Variants in COL18A1 observed in about 807,000 individuals in gnomAD.
The protein encoded by COL18A1 is collagen alpha-1(XVIII) chain.
In COL18A1, 133 loss-of-function variants were observed where a neutral mutation model predicts 168.0. The ratio of observed to expected loss-of-function variants is 0.79; its 90% CI spans 0.69 to 0.91. COL18A1 has a LOEUF of 0.91. Ranked by LOEUF, COL18A1 falls within the 40% of genes least tolerant of loss-of-function variation. The pLI is 0.00. For synonymous variants in COL18A1, 949 were observed against 809.0 expected (o/e 1.17, Z -2.94); for missense variants, 2,126 against 1,925.4 (o/e 1.10, Z -1.95).
intron 31 of COL18A1, 126 bp downstream of exon 31, chr21:45,497,218 G>A: frequency 9.5e-6 from 7 of 740,088 alleles, no homozygotes; most frequent in South Asian, 1.4e-5. Flanking sequence ...TACACGCCCA[G>A]CCCACGCCCC....
At chr21:45,493,635 C>A in intron 26 of COL18A1, 60 bp downstream of exon 26, 1 of 1,287,614 alleles carries the variant, frequency 7.8e-7, no homozygotes, top group Non-Finnish European at 1.1e-6. Flanking sequence ...GTGGAGACAG[C>A]CTGGGGAGGG....
intron 31 of COL18A1, 99 bp from the exon 32 acceptor site, chr21:45,497,500 C>A: frequency 6.8e-7 from 1 of 1,466,014 alleles, no homozygotes; most frequent in Non-Finnish European, 9.3e-7. Flanking sequence ...GCCCCCCCAT[C>A]CAGGCCCCCA....
At chr21:45,442,555 G>C (rs2034397126) in intron 2 of COL18A1, among the ~76,000 whole-genome samples, 1 of 152,288 alleles carries the variant, frequency 6.6e-6, no homozygotes, top group Non-Finnish European at 1.5e-5. Context: ...CTTCGGATGA[G>C]CACGCCCAGG....
At chr21:45,494,027 G>T (rs771234369) in intron 26 of COL18A1, 19 of 253,432 alleles carry the variant, frequency 7.5e-5, no homozygotes, top group Non-Finnish European at 1.2e-4. Flanking sequence ...GCAGGCAGCC[G>T]CCCAGAAAAG....
intron 14 of COL18A1, chr21:45,482,364 T>C (rs920931230): frequency 3.0e-6 from 2 of 661,516 alleles, no homozygotes; most frequent in Admixed American, 1.9e-5. Flanking sequence ...GCCCCAGGCG[T>C]TTGTGGGTGG....
intron 18 of COL18A1, 120 bp from the exon 19 acceptor site, chr21:45,489,365 GC>G: frequency 2.5e-6 from 2 of 798,232 alleles, no homozygotes; most frequent in African/African-American, 1.7e-5. Context: ...TCGGCTCTGG[GC>G]TGGGGGAGGG....
chr21:45,416,608 G>A (rs972031701), intron 2 of COL18A1, among the ~76,000 whole-genome samples: 3 of 151,948 alleles, frequency 2.0e-5, no homozygotes, highest in Admixed American at 6.6e-5. Flanking sequence ...CTCCTGGACC[G>A]CGGTCCGTCC....
At chr21:45,484,499 CAT>C (rs966099715) in intron 15 of COL18A1, among the ~76,000 whole-genome samples, 21 of 121,688 alleles carry the variant, frequency 1.7e-4, no homozygotes, top group African/African-American at 2.8e-4. Flanking sequence ...CACACACACA[CAT>C]GCACCTCTCC....
At chr21:45,461,700 CT>C (rs1423236310) in intron 2 of COL18A1, among the ~76,000 whole-genome samples, 1 of 152,184 alleles carries the variant, frequency 6.6e-6, no homozygotes, top group Non-Finnish European at 1.5e-5. Flanking sequence ...ATGAATGTGA[CT>C]TTTTTAGATC....
rs369702868 is a variant in COL18A1, at chr21:45,505,226, C to A, written c.2961C>A (p.Pro987=). 105 of 1,579,480 alleles carry A rather than the reference C, an allele frequency of 6.6e-5. No homozygotes were observed. The highest frequency in any genetic ancestry group is 6.2e-4 in the African/African-American group (43 of 69,306). The change falls in exon 35 of 42, where the codon CCC becomes CCA. Residue 987 remains proline, a synonymous_variant. Transcript: ENST00000651438. ...GIGYEGRQGP[P]GPPGPPGPPS... ...GCTACGAGGGGCGCCAGGGCCCTCCCGGCCCCCCAGGCCCCCCAGGGCCCC... is the reference window on the plus strand; with the variant it reads ...GCTACGAGGGGCGCCAGGGCCCTCCAGGCCCCCCAGGCCCCCCAGGGCCCC...
chr21:45,478,477 T>C, intron 9 of COL18A1, 124 bp downstream of exon 9: 1 of 1,287,398 alleles, frequency 7.8e-7, no homozygotes, highest in South Asian at 1.2e-5. Flanking sequence ...GCAAAACCAT[T>C]TTGAAAGTGG....
In COL18A1 at chr21:45,489,539, GT is replaced by G; in HGVS notation, c.1959+20del. 1 of 1,565,216 alleles carries G rather than the reference GT, an allele frequency of 6.4e-7. No homozygotes were observed. Among genetic ancestry groups the G allele is most frequent in the Non-Finnish European group, 8.7e-7 (1 of 1,148,860 alleles). ...GGGCGAAGGTAAGCGCTGTGCCCGG[GT>G]TCAGGGACGTGGCCAGGCAGAGGCA... On this transcript the variant is annotated intron_variant, in intron 19 of 41. Transcript: ENST00000651438.
chr21:45,483,963 GCACA>G (rs756438152), intron 15 of COL18A1, among the ~76,000 whole-genome samples: 16 of 85,024 alleles, frequency 1.9e-4, no homozygotes, highest in African/African-American at 7.6e-4. Flanking sequence ...ATGTACACAT[GCACA>G]CACACACCTC....
Position 45,456,165 on chromosome 21 carries a change from C to T in COL18A1, c.107-12077C>T, listed in dbSNP as rs758219432. ...CCACTCACGGGGCCCTCAGTGCCAC[C>T]ACCATCTTCAGGTAGAGCTTCTCTC... is the stretch of plus-strand genomic sequence containing the variant. On this transcript the variant is annotated intron_variant, in intron 2 of 41. Transcript: ENST00000651438. The T allele has an allele frequency of 2.1e-5, 33 of 1,589,636 alleles. No homozygotes were observed. The highest frequency in any genetic ancestry group is 2.3e-5 in the Non-Finnish European group (27 of 1,164,818).
chr21:45,442,724 C>T (rs1468917376), intron 2 of COL18A1, among the ~76,000 whole-genome samples: 1 of 86,532 alleles, frequency 1.2e-5, no homozygotes. Flanking sequence ...GTGTGGGCGG[C>T]GGTCCTGGTG....
intron 2 of COL18A1, among the ~76,000 whole-genome samples, chr21:45,437,252 ACACACT>A (rs1363441783): frequency 7.7e-5 from 8 of 104,222 alleles, no homozygotes; most frequent in South Asian, 3.0e-4. Context: ...CTGTACACAC[ACACACT>A]CACACACTCA....
chr21:45,480,280 G>A, intron 11 of COL18A1, 124 bp downstream of exon 11: 2 of 1,191,936 alleles, frequency 1.7e-6, no homozygotes, highest in South Asian at 1.3e-5. Context: ...CTGAGCTGAG[G>A]GGTCACAGGT....
rs756192192 is a variant in COL18A1, at chr21:45,480,723, T to TCCCGGACCC, written c.1482_1490dup (p.Pro495_Gly497dup). 1.2e-6 allele frequency: 2 copies of TCCCGGACCC among 1,610,798 alleles called. No individual in the cohort carries two copies. The highest frequency in any genetic ancestry group is 2.2e-5 in the South Asian group (2 of 91,084). On this transcript the variant is annotated inframe_insertion, in exon 13 of 42. Coordinates refer to ENST00000651438, the MANE Select transcript of COL18A1 (RefSeq NM_001379500.1). ...AGGGTCCTCGAGGCTTCCCTGGACC[T>TCCCGGACCC]CCCGGACCCCCCGGTGTCCCAGGCC...
intron 2 of COL18A1, chr21:45,455,357 C>T (rs1168595453): frequency 1.1e-6 from 1 of 877,412 alleles, no homozygotes; most frequent in South Asian, 1.6e-5. Flanking sequence ...GTGCTGGGCA[C>T]CTTGATTCCA....
Sources: allele counts gnomAD v4.1 joint callset (sites outside exome capture counted in the v4.1 genomes callset), GRCh38; gene constraint gnomAD v4.1.1; transcripts MANE v1.5; gene names NCBI Gene and HGNC (gene_info 2026-07-23, HGNC 2026-07-21).